The following SERAC1 variants were observed in gnomAD, a reference collection of about 807,000 sequenced individuals.
The protein encoded by SERAC1 is serine active site containing 1.
In SERAC1, 36 loss-of-function variants were observed where a neutral mutation model predicts 85.7. The ratio of observed to expected loss-of-function variants is 0.42; its 90% CI spans 0.32 to 0.55. The LOEUF (loss-of-function observed/expected upper bound fraction) is 0.55, where lower values mean the gene tolerates loss of function less well. SERAC1 is among the 20% of genes least tolerant of loss of function. The probability of loss-of-function intolerance (pLI) is 0.11; values close to 1 mark genes in which losing one functional copy is unlikely to be tolerated. For missense variants in SERAC1, 629 were observed against 796.2 expected, an observed-to-expected ratio of 0.79 and a Z score of 2.53; for synonymous variants, 242 against 265.3, an observed-to-expected ratio of 0.91 and a Z score of 0.85.
intron 9 of SERAC1, 84 bp downstream of exon 9, chr6:158,130,289 A>G: frequency 1.5e-6 from 1 of 669,398 alleles, no homozygotes; most frequent in Non-Finnish European, 2.4e-6. Context: ...ACAGTAAATG[A>G]TTATTGCCCT....
chr6:158,114,066 A>AG (rs371205948), intron 15 of SERAC1, among the ~76,000 whole-genome samples: 87 of 144,498 alleles, frequency 6.0e-4, no homozygotes, highest in South Asian at 2.4e-3. Flanking sequence ...AGCTGGCCAC[A>AG]GAAAAAAAAC....
chr6:158,133,128 GA>G (rs932684999), intron 8 of SERAC1, among the ~76,000 whole-genome samples: 3 of 152,090 alleles, frequency 2.0e-5, no homozygotes, highest in African/African-American at 7.2e-5. Flanking sequence ...TCAATACAGT[GA>G]AACCCCATCT....
rs1784367202 is a variant in SERAC1 at position 158,119,389 on chromosome 6, C to T, written c.1167-219G>A. The stretch of plus-strand genomic sequence containing the variant: ...GTTCACTGTTCTCTAAAAATGGAGA[C>T]TATTCTAGTCAGGCAGACCAACCAC... On this transcript the variant is annotated intron_variant, in intron 11 of 16. Transcript: ENST00000647468. The surrounding 1 kb of genome is among the most constrained non-coding windows in gnomAD (Gnocchi z 4.5). Among the ~76,000 whole-genome samples, 1 of 152,178 alleles carries T rather than the reference C, an allele frequency of 6.6e-6. No individual in the cohort carries two copies. The highest frequency in any genetic ancestry group is 2.1e-4 in the South Asian group (1 of 4,830).
chr6:158,156,014 TGGC>T (rs1554265107), intron 2 of SERAC1, among the ~76,000 whole-genome samples: 1 of 151,818 alleles, frequency 6.6e-6, no homozygotes. Flanking sequence ...CCAGGCATGG[TGGC>T]GCATGCCTGT....
At chr6:158,155,481 A>T in intron 2 of SERAC1, 130 bp from the exon 3 acceptor site, 1 of 575,022 alleles carries the variant, frequency 1.7e-6, no homozygotes, top group Non-Finnish European at 3.1e-6. Flanking sequence ...TATTAATATA[A>T]TCAGTTGCTA....
At chr6:158,122,801 T>C (rs1784453205) in intron 10 of SERAC1, among the ~76,000 whole-genome samples, 2 of 152,034 alleles carry the variant, frequency 1.3e-5, no homozygotes, top group Non-Finnish European at 2.9e-5. Context: ...AAAATGTAGC[T>C]CTATGTGCAC....
In SERAC1 at chr6:158,114,790, C is replaced by G; in HGVS notation, c.1683G>C (p.Lys561Asn). 2 of 1,609,120 alleles carry G rather than the reference C, an allele frequency of 1.2e-6. No homozygotes were observed. Among genetic ancestry groups the G allele is most frequent in the Non-Finnish European group, 1.7e-6 (2 of 1,178,316 alleles). ...FPSLEVKELS[K>N]DSPALKTLQD... The stretch of plus-strand genomic sequence containing the variant: ...TTCCTTTATGACAAAAAGTATTACC[C>G]TTGCTGAGTTCTTTGACTTCCAACG... The change falls in exon 15 of 17, where the codon AAG becomes AAC. Residue 561 changes from lysine (K) to asparagine (N), a missense_variant and splice_region_variant. Lys to Asn is a moderately conservative substitution (Grantham distance 94). Coordinates refer to ENST00000647468, the MANE Select transcript of SERAC1 (RefSeq NM_032861.4).
rs1784398538 is a variant in SERAC1 at position 158,120,653 on chromosome 6, A to G, written c.1016-78T>C. Reference sequence around the variant, plus strand: ...CAGAGAGAGTGAGGTTTCAAACTGAATATGATGGGAGAAAGGCAAACCTTG... The same window carrying G: ...CAGAGAGAGTGAGGTTTCAAACTGAGTATGATGGGAGAAAGGCAAACCTTG... On this transcript the variant is annotated intron_variant, in intron 10 of 16. Transcript: ENST00000647468. This position sits in a 1 kb window ranked among gnomAD's most constrained non-coding sequence, Gnocchi z 4.4. 2.7e-6 allele frequency: 4 copies of G among 1,473,472 alleles called. No individual in the cohort carries two copies. Among genetic ancestry groups the G allele is most frequent in the African/African-American group, 2.8e-5 (2 of 70,768 alleles). 91.3% of individuals were successfully genotyped at this position (1,473,472 alleles called of 1,614,324 possible). A position where few individuals can be genotyped will look rare whatever the true frequency, so the allele number is the denominator to read the frequency against.
At chr6:158,152,517 G>C (rs953161308) in intron 3 of SERAC1, among the ~76,000 whole-genome samples, 17 of 142,946 alleles carry the variant, frequency 1.2e-4, no homozygotes, top group Non-Finnish European at 2.5e-4. Context: ...CTCCATCTCC[G>C]AAAAAAAAAA....
rs751022622 is a variant in SERAC1 at position 158,111,473 on chromosome 6, C to G, written c.1858G>C (p.Asp620His). Reference sequence around the variant, plus strand: ...TTACAAATGTTCAAATGGTTAACATCCACAGGAATTAGATCTCCAATGCCT... The same window carrying G: ...TTACAAATGTTCAAATGGTTAACATGCACAGGAATTAGATCTCCAATGCCT... ...DLGIGDLIPV[D>H]VNHLNICKPK... is the part of the protein sequence containing the mutation. The change falls in exon 17 of 17, where the codon GAT becomes CAT. Residue 620 changes from aspartate to histidine, a missense_variant. By Grantham distance (81) the Asp-to-His change is moderately conservative. Transcript: ENST00000647468. 2.5e-6 allele frequency: 4 copies of G among 1,606,406 alleles called. No homozygotes were observed. In the Admixed American group the frequency reaches 5.1e-5, roughly 21 times the overall value.
chr6:158,139,462 A>G (rs1414304181), intron 8 of SERAC1, among the ~76,000 whole-genome samples: 1 of 152,210 alleles, frequency 6.6e-6, no homozygotes, highest in African/African-American at 2.4e-5. Flanking sequence ...TCTAGAATAT[A>G]TCAAGAACTC....
rs185491597 is a variant in SERAC1 at position 158,160,214 on chromosome 6, C to G, written c.-1-1850G>C. ...CTTGTCGATTTACCCCTTTTGTTGT[C>G]CTTTTTTTTTTTATTCATTAAGCAA... On this transcript the variant is annotated intron_variant, in intron 1 of 16. Coordinates refer to ENST00000647468, the MANE Select transcript of SERAC1 (RefSeq NM_032861.4). 3.2e-3 allele frequency among the ~76,000 whole-genome samples: 490 copies of G among 151,860 alleles called. 2 individuals carry two copies. The highest frequency in any genetic ancestry group is 4.5e-3 in the Non-Finnish European group (306 of 67,936).
At position 158,120,481 on chromosome 6, in the gene SERAC1, A is replaced by G. The variant is rs2128412421; in HGVS notation, c.1110T>C (p.Thr370=). 6.2e-7 allele frequency: 1 copy of G among 1,614,004 alleles called. No homozygotes were observed. Among genetic ancestry groups the G allele is most frequent in the East Asian group, 2.2e-5 (1 of 44,884 alleles). Residue 370 remains threonine (T), a synonymous_variant, in exon 11 of 17, where the codon ACT becomes ACC. Coordinates refer to ENST00000647468, the MANE Select transcript of SERAC1 (RefSeq NM_032861.4). This position sits in a 1 kb window ranked among gnomAD's most constrained non-coding sequence, Gnocchi z 4.4. ...ARILANLDRE[T]VQEKYQDGVY... is the part of the protein sequence containing the mutation. ...CGCCATCCTGATATTTTTCTTGCAC[A>G]GTTTCTCGGTCTAGATTTGCCAGGA...
At chr6:158,132,722 G>A (rs1194404629) in intron 8 of SERAC1, among the ~76,000 whole-genome samples, 2 of 152,198 alleles carry the variant, frequency 1.3e-5, no homozygotes, top group Non-Finnish European at 2.9e-5. Flanking sequence ...TGTTACCTAT[G>A]AATTGGCAGA....
intron 8 of SERAC1, among the ~76,000 whole-genome samples, chr6:158,141,433 T>C (rs1214973043): frequency 6.6e-6 from 1 of 152,214 alleles, no homozygotes; most frequent in East Asian, 1.9e-4. Context: ...TTTTATGGTA[T>C]GTGGATTAAA....
chr6:158,116,147 T>A, intron 14 of SERAC1, 38 bp downstream of exon 14: 1 of 1,543,568 alleles, frequency 6.5e-7, no homozygotes, highest in Non-Finnish European at 9.0e-7. Context: ...GAAAATAACA[T>A]CACAATGGCC....
intron 10 of SERAC1, among the ~76,000 whole-genome samples, chr6:158,121,862 T>C (rs1244961722): frequency 6.6e-6 from 1 of 151,902 alleles, no homozygotes; most frequent in Non-Finnish European, 1.5e-5. Flanking sequence ...TGACAAAATA[T>C]GTTCACAATG....
At chr6:158,113,297 T>G in intron 16 of SERAC1, 152 bp downstream of exon 16, 1 of 617,668 alleles carries the variant, frequency 1.6e-6, no homozygotes, top group South Asian at 2.5e-5. Context: ...GAAATTTTAA[T>G]CTATTGCTGA....
chr6:158,168,257 G>C lies in SERAC1; in HGVS notation c.-119C>G, dbSNP rs547951338. On this transcript the variant is annotated 5_prime_UTR_variant, in exon 1 of 17. Transcript: ENST00000647468. The stretch of plus-strand genomic sequence containing the variant: ...CTCCACCCGGCGGCTGGCGGCTCGT[G>C]ACCCCGCCCCCTCGGCCCGCTCTGG... 6.6e-6 allele frequency: 1 copy of C among 152,454 alleles called. No individual in the cohort carries two copies. The highest frequency in any genetic ancestry group is 1.5e-5 in the Non-Finnish European group (1 of 68,176). 9.4% of individuals were successfully genotyped at this position (152,454 alleles called of 1,614,324 possible). A position where few individuals can be genotyped will look rare whatever the true frequency, so the allele number is the denominator to read the frequency against.
Sources: gnomAD v4.1 joint callset for allele counts (sites outside exome capture counted in the v4.1 genomes callset) on GRCh38, gnomAD v4.1.1 for gene constraint, Gnocchi (gnomAD v3.1) non-coding constraint, MANE v1.5 for transcripts, NCBI Gene and HGNC (gene_info 2026-07-23, HGNC 2026-07-21) for gene names.